The following DLG1 variants were observed in gnomAD, a reference collection of about 807,000 sequenced individuals.
DLG1 encodes discs large MAGUK scaffold protein 1, also known as disks large homolog 1.
A neutral mutation model predicts 123.4 loss-of-function variants in DLG1; 42 were observed. The observed-to-expected ratio is 0.34, with a 90% CI of 0.27 to 0.44. The LOEUF (loss-of-function observed/expected upper bound fraction) is 0.44, where lower values mean the gene tolerates loss of function less well. DLG1 is among the 20% of genes least tolerant of loss of function. The pLI, the probability that DLG1 is intolerant of heterozygous loss-of-function variation, is 1.00. For synonymous variants in DLG1, 317 were observed against 356.2 expected, an observed-to-expected ratio of 0.89 and a Z score of 1.24; for missense variants, 942 against 1,082.6, an observed-to-expected ratio of 0.87 and a Z score of 1.82.
At chr3:197,080,002 T>TA (rs887192858) in intron 17 of DLG1, among the ~76,000 whole-genome samples, 9 of 151,538 alleles carry the variant, frequency 5.9e-5, no homozygotes, top group South Asian at 2.1e-4. Context: ...TGTTTAGTAT[T>TA]AAAAAAAACC....
intron 13 of DLG1, among the ~76,000 whole-genome samples, chr3:197,107,633 T>A (rs1354731188): frequency 1.3e-5 from 2 of 152,076 alleles, no homozygotes; most frequent in African/African-American, 4.8e-5. Context: ...CTTAAGTATT[T>A]TATTCTTTTT....
intron 5 of DLG1, among the ~76,000 whole-genome samples, chr3:197,158,121 C>T (rs1007131077): frequency 6.6e-6 from 1 of 152,034 alleles, no homozygotes; most frequent in Non-Finnish European, 1.5e-5. Context: ...AAAAAATGGT[C>T]AAGGAACTCA....
intron 23 of DLG1, among the ~76,000 whole-genome samples, chr3:197,057,235 A>G (rs1179229606): frequency 2.0e-5 from 3 of 152,106 alleles, no homozygotes; most frequent in Non-Finnish European, 4.4e-5. Flanking sequence ...ATGCACCACC[A>G]CATCCAGCTA....
At chr3:197,272,364 G>GA (rs935652969) in intron 4 of DLG1, among the ~76,000 whole-genome samples, 197 of 145,246 alleles carry the variant, frequency 1.4e-3, no homozygotes, top group African/African-American at 4.2e-3. Context: ...AAAAAAAAAA[G>GA]AAAAAAAAAA....
At chr3:197,107,605 C>T (rs1420013656) in intron 13 of DLG1, among the ~76,000 whole-genome samples, 1 of 151,856 alleles carries the variant, frequency 6.6e-6, no homozygotes, top group African/African-American at 2.4e-5. Flanking sequence ...TTTGTTGATC[C>T]ATGTCCTTAA....
At chr3:197,132,543 G>A (rs991126350) in intron 10 of DLG1, among the ~76,000 whole-genome samples, 12 of 152,172 alleles carry the variant, frequency 7.9e-5, no homozygotes, top group African/African-American at 2.9e-4. Context: ...ACATTACCAT[G>A]CAAAGCAAGG....
In DLG1 at chr3:197,230,318, A is replaced by G. The variant is rs561599513; in HGVS notation, c.319-35729T>C. On this transcript the variant is annotated intron_variant, in intron 4 of 24. Coordinates refer to ENST00000667157, the MANE Select transcript of DLG1 (RefSeq NM_001366207.1). Reference sequence around the variant, plus strand: ...TGGTAATAAATACTACCTATATTACATATTACAGTTCCATGTTTAAAATTT... The same window carrying G: ...TGGTAATAAATACTACCTATATTACGTATTACAGTTCCATGTTTAAAATTT... Among the ~76,000 whole-genome samples, 3 of 152,326 alleles carry G rather than the reference A, an allele frequency of 2.0e-5. No homozygotes were observed. The South Asian group carries it at 6.2e-4, about 32-fold the overall frequency.
chr3:197,079,189 CAAGA>C (rs1030056669), intron 17 of DLG1, among the ~76,000 whole-genome samples: 8 of 152,006 alleles, frequency 5.3e-5, no homozygotes, highest in African/African-American at 9.7e-5. Context: ...TGCTATATCG[CAAGA>C]GAGACAGTGT....
intron 19 of DLG1, 87 bp from the exon 20 acceptor site, chr3:197,066,841 G>C (rs1739935551): frequency 4.9e-6 from 4 of 812,018 alleles, no homozygotes; most frequent in Non-Finnish European, 7.8e-6. Context: ...TACATTACTA[G>C]AACTTTCCTG....
In DLG1 at chr3:197,063,806, G is replaced by C. The variant is rs960811640; in HGVS notation, c.2373+1470C>G. Among the ~76,000 whole-genome samples, 16 of 152,214 alleles carry C rather than the reference G, an allele frequency of 1.1e-4. 1 individual carries two copies. The South Asian group carries it at 2.9e-3, about 28-fold the overall frequency. On this transcript the variant is annotated intron_variant, in intron 22 of 24. Transcript: ENST00000667157. ...AATACCCTTCCAAAAGGCAGTACCA[G>C]TTTGCATTTCCACCAGCAATGCACA...
At chr3:197,245,571 ACACATAGC>A (rs1298121349) in intron 4 of DLG1, among the ~76,000 whole-genome samples, 1 of 152,184 alleles carries the variant, frequency 6.6e-6, no homozygotes, top group East Asian at 1.9e-4. Flanking sequence ...GAACTGCATC[ACACATAGC>A]CTGAGGTCCC....
chr3:197,285,765 A>G (rs1429856104), intron 3 of DLG1, among the ~76,000 whole-genome samples: 1 of 152,210 alleles, frequency 6.6e-6, no homozygotes, highest in Admixed American at 6.5e-5. Flanking sequence ...AGGGCAACAC[A>G]TTGCTGACAG....
At chr3:197,183,751 T>C (rs1221933548) in intron 5 of DLG1, 1 of 1,550,514 alleles carries the variant, frequency 6.4e-7, no homozygotes. Context: ...GAGCTAGTAT[T>C]GCCTCCTCGA....
chr3:197,075,534 CTTAAAAG>C, intron 18 of DLG1, among the ~76,000 whole-genome samples: 1 of 151,716 alleles, frequency 6.6e-6, no homozygotes, highest in Non-Finnish European at 1.5e-5. Flanking sequence ...TTAAAAAAAT[CTTAAAAG>C]TTTTTATATT....
chr3:197,267,212 T>A (rs1373056656), intron 4 of DLG1, among the ~76,000 whole-genome samples: 1 of 152,124 alleles, frequency 6.6e-6, no homozygotes, highest in Non-Finnish European at 1.5e-5. Flanking sequence ...TTTTAAAAAA[T>A]AACACAAAAT....
At chr3:197,243,053 C>T (rs918442261) in intron 4 of DLG1, among the ~76,000 whole-genome samples, 1 of 152,164 alleles carries the variant, frequency 6.6e-6, no homozygotes, top group African/African-American at 2.4e-5. Context: ...AGGGTGCTGC[C>T]TGCGTTAGTT....
At chr3:197,095,763 T>C (rs1031080552) in intron 14 of DLG1, among the ~76,000 whole-genome samples, 3 of 152,250 alleles carry the variant, frequency 2.0e-5, no homozygotes, top group Non-Finnish European at 4.4e-5. Flanking sequence ...CATTTATTTA[T>C]ATGAGTAAAA....
At chr3:197,137,293 T>G (rs574135168) in intron 9 of DLG1, among the ~76,000 whole-genome samples, 7 of 152,352 alleles carry the variant, frequency 4.6e-5, no homozygotes, top group African/African-American at 1.7e-4. Flanking sequence ...GTTTTAAAAA[T>G]TCAGCAATCA....
rs1479771032 is a variant in DLG1, at chr3:197,052,955, A to G, written c.2484-1287T>C. 5.9e-5 allele frequency among the ~76,000 whole-genome samples: 9 copies of G among 152,236 alleles called. 1 individual carries two copies. Among genetic ancestry groups the G allele is most frequent in the Admixed American group, 5.9e-4 (9 of 15,276 alleles). Reference sequence around the variant, plus strand: ...AACCAGCAACATTTGAACTTTATCAAATAATTATTATTTTAAGTATGATAA... The same window carrying G: ...AACCAGCAACATTTGAACTTTATCAGATAATTATTATTTTAAGTATGATAA... On this transcript the variant is annotated intron_variant, in intron 23 of 24. Transcript: ENST00000667157.
Sources: allele counts gnomAD v4.1 joint callset (sites outside exome capture counted in the v4.1 genomes callset), GRCh38; gene constraint gnomAD v4.1.1; transcripts MANE v1.5; gene names NCBI Gene and HGNC (gene_info 2026-07-23, HGNC 2026-07-21).